CACNA2D3: variants seen among roughly 807,000 people sequenced by gnomAD.
CACNA2D3 encodes calcium voltage-gated channel auxiliary subunit alpha2delta 3, also known as voltage-dependent calcium channel subunit alpha-2/delta-3.
A neutral mutation model predicts 160.6 loss-of-function variants in CACNA2D3; 60 were observed. The ratio of observed to expected loss-of-function variants is 0.37; its 90% CI spans 0.30 to 0.46. The LOEUF (loss-of-function observed/expected upper bound fraction) is 0.46. Ranked by LOEUF, CACNA2D3 falls within the 20% of genes least tolerant of loss-of-function variation. The pLI is 1.00. For synonymous variants in CACNA2D3, 558 were observed against 492.9 expected, an observed-to-expected ratio of 1.13 and a Z score of -1.75; for missense variants, 1,205 against 1,365.0, an observed-to-expected ratio of 0.88 and a Z score of 1.85.
chr3:54,821,865 C>T (rs1268651697), intron 14 of CACNA2D3, among the ~76,000 whole-genome samples: 2 of 152,014 alleles, frequency 1.3e-5, no homozygotes, highest in African/African-American at 4.8e-5. Flanking sequence ...CCTCATTTAA[C>T]TTCTATACTT....
chr3:54,335,040 C>G (rs976872166), intron 3 of CACNA2D3, among the ~76,000 whole-genome samples: 1 of 152,104 alleles, frequency 6.6e-6, no homozygotes, highest in African/African-American at 2.4e-5. Flanking sequence ...GTGTTTTAGC[C>G]CAGTGCCTGG....
intron 5 of CACNA2D3, among the ~76,000 whole-genome samples, chr3:54,527,373 G>A (rs973501987): frequency 1.3e-5 from 2 of 152,138 alleles, no homozygotes; most frequent in Non-Finnish European, 2.9e-5. Context: ...CCTCCCCTGG[G>A]CACAATCGCT....
chr3:54,684,176 G>A (rs183276351), intron 11 of CACNA2D3, among the ~76,000 whole-genome samples: 3 of 152,068 alleles, frequency 2.0e-5, no homozygotes, highest in South Asian at 4.2e-4. Flanking sequence ...GGCCAGGCGG[G>A]TCTTGAACTC....
chr3:54,130,500 A>G (rs1159408163), intron 2 of CACNA2D3, among the ~76,000 whole-genome samples: 2 of 152,226 alleles, frequency 1.3e-5, no homozygotes, highest in Non-Finnish European at 2.9e-5. Flanking sequence ...GGTAACGCTC[A>G]ATGCTGTAGT....
At chr3:54,324,547 C>G (rs1704079906) in intron 3 of CACNA2D3, among the ~76,000 whole-genome samples, 1 of 151,944 alleles carries the variant, frequency 6.6e-6, no homozygotes, top group Non-Finnish European at 1.5e-5. Context: ...CTTTTTAATG[C>G]CATTGGTGGT....
At chr3:54,557,359 T>A (rs1271389269) in intron 5 of CACNA2D3, among the ~76,000 whole-genome samples, 1 of 152,214 alleles carries the variant, frequency 6.6e-6, no homozygotes, top group African/African-American at 2.4e-5. Flanking sequence ...TCAGTTTGCT[T>A]TGTATTTCTG....
chr3:54,171,136 CTTTTTTTTT>C (rs57761171), intron 2 of CACNA2D3, among the ~76,000 whole-genome samples: 6 of 62,544 alleles, frequency 9.6e-5, no homozygotes, highest in Admixed American at 7.1e-4. Flanking sequence ...AAGATGATGA[CTTTTTTTTT>C]TTTTTTTTTT....
chr3:54,404,024 A>G (rs1298373268), intron 4 of CACNA2D3, among the ~76,000 whole-genome samples: 2 of 152,210 alleles, frequency 1.3e-5, no homozygotes, highest in African/African-American at 4.8e-5. Flanking sequence ...AAAGCCCAGG[A>G]CCAGATGGCT....
intron 27 of CACNA2D3, among the ~76,000 whole-genome samples, chr3:54,927,630 A>G (rs371408471): frequency 5.8e-4 from 88 of 152,262 alleles, no homozygotes; most frequent in African/African-American, 2.0e-3. Context: ...GGAATAATAT[A>G]CGAACTCCAA....
At chr3:54,349,969 G>T (rs1698524666) in intron 3 of CACNA2D3, among the ~76,000 whole-genome samples, 1 of 152,174 alleles carries the variant, frequency 6.6e-6, no homozygotes, top group South Asian at 2.1e-4. Context: ...TTCAGACTTT[G>T]GTCATGCATT....
intron 3 of CACNA2D3, among the ~76,000 whole-genome samples, chr3:54,376,616 T>A (rs1699017240): frequency 6.6e-6 from 1 of 152,260 alleles, no homozygotes; most frequent in South Asian, 2.1e-4. Flanking sequence ...TTGCCTCTTC[T>A]CCCAACTGAA....
rs1383499680 is a variant in CACNA2D3 at position 54,758,184 on chromosome 3, C to T, written c.1246+5507C>T. 3.9e-5 allele frequency among the ~76,000 whole-genome samples: 6 copies of T among 152,354 alleles called. No homozygotes were observed. In the East Asian group the frequency reaches 7.7e-4, roughly 20 times the overall value. Reference sequence around the variant, plus strand: ...GATAAGACGAGACCAGGAGAAACCACAGCAAGGTGTGATGGGTGTAGCCAC... The same window carrying T: ...GATAAGACGAGACCAGGAGAAACCATAGCAAGGTGTGATGGGTGTAGCCAC... On this transcript the variant is annotated intron_variant, in intron 12 of 37. Coordinates refer to ENST00000474759, the MANE Select transcript of CACNA2D3 (RefSeq NM_018398.3).
chr3:54,652,754 C>A (rs1342467087), intron 11 of CACNA2D3, among the ~76,000 whole-genome samples: 2 of 147,278 alleles, frequency 1.4e-5, no homozygotes, highest in African/African-American at 5.0e-5. Flanking sequence ...GGGATGTGAT[C>A]CAAGGGGTTG....
intron 9 of CACNA2D3, among the ~76,000 whole-genome samples, chr3:54,610,795 A>G (rs1174115887): frequency 1.3e-5 from 2 of 151,966 alleles, no homozygotes; most frequent in Non-Finnish European, 2.9e-5. Flanking sequence ...ATGCCCGGCT[A>G]ATTTTGTATT....
intron 11 of CACNA2D3, among the ~76,000 whole-genome samples, chr3:54,660,905 C>T (rs770266008): frequency 1.1e-3 from 172 of 152,236 alleles, no homozygotes; most frequent in African/African-American, 3.9e-3. Context: ...GCTCACTCCT[C>T]GGGGATTCCT....
At chr3:54,698,426 A>G (rs1271238203) in intron 11 of CACNA2D3, among the ~76,000 whole-genome samples, 1 of 152,228 alleles carries the variant, frequency 6.6e-6, no homozygotes, top group Non-Finnish European at 1.5e-5. Context: ...CATAAACTTT[A>G]AACTTGCTTT....
chr3:54,646,184 CTCCT>C lies in CACNA2D3; in HGVS notation c.1167+3949_1167+3952del, dbSNP rs1438568531. The stretch of plus-strand genomic sequence containing the variant: ...CCTCCCTCCCTCCCTCCCTCCCTCC[CTCCT>C]TCCTTGCTTCCTTCCTTCCTTCCTT... On this transcript the variant is annotated intron_variant, in intron 11 of 37. Coordinates refer to ENST00000474759, the MANE Select transcript of CACNA2D3 (RefSeq NM_018398.3). 1.5e-3 allele frequency among the ~76,000 whole-genome samples: 23 copies of C among 14,902 alleles called. 2 individuals are homozygous for C. Among genetic ancestry groups the C allele is most frequent in the African/African-American group, 4.7e-3 (22 of 4,716 alleles). The allele number at this position is 14,902 out of a possible 152,430, so 9.8% of individuals were successfully genotyped here.
chr3:54,317,693 A>G (rs1030138910), intron 2 of CACNA2D3, among the ~76,000 whole-genome samples: 1 of 152,122 alleles, frequency 6.6e-6, no homozygotes, highest in Non-Finnish European at 1.5e-5. Flanking sequence ...GCCCACCACC[A>G]TAACTGACTA....
chr3:54,838,673 A>G, intron 16 of CACNA2D3, 25 bp downstream of exon 16: 2 of 1,530,038 alleles, frequency 1.3e-6, no homozygotes, highest in Non-Finnish European at 1.8e-6. Flanking sequence ...AATCCCTGAA[A>G]TCAAAGCAAC....
Sources: gnomAD v4.1 joint callset for allele counts (sites outside exome capture counted in the v4.1 genomes callset) on GRCh38, gnomAD v4.1.1 for gene constraint, MANE v1.5 for transcripts, NCBI Gene and HGNC (gene_info 2026-07-23, HGNC 2026-07-21) for gene names.